The following DYM variants were observed in gnomAD, a reference collection of about 807,000 sequenced individuals.
The protein encoded by DYM is dyggve-Melchior-Clausen syndrome protein.
A neutral mutation model predicts 93.1 loss-of-function variants in DYM; 78 were observed. The observed-to-expected ratio is 0.84, with a 90% CI of 0.70 to 1.01. The LOEUF is 1.01. Ranked by LOEUF, DYM falls within the 50% of genes least tolerant of loss-of-function variation. DYM has a pLI of 0.00. For missense variants in DYM, 789 were observed against 845.0 expected (o/e 0.93, Z 0.82); for synonymous variants, 321 against 319.7 (o/e 1.00, Z -0.04).
At chr18:49,057,403 C>T (rs889517502) in intron 17 of DYM, among the ~76,000 whole-genome samples, 7 of 152,222 alleles carry the variant, frequency 4.6e-5, no homozygotes, top group South Asian at 4.1e-4. Context: ...GGGCCACAGA[C>T]GAGCATGCAC....
rs2144013626 is a variant in DYM at position 49,042,122 on chromosome 18, TCTC to T, written c.*1930_*1932del. The stretch of plus-strand genomic sequence containing the variant: ...ACTCCCCCTGCTGGCTGAGAGCGCT[TCTC>T]CTCCTTCAGACTGGCTCTGCCACAA... On this transcript the variant is annotated 3_prime_UTR_variant, in exon 18 of 18. Coordinates refer to ENST00000675505, the MANE Select transcript of DYM (RefSeq NM_001353214.3). The T allele has an allele frequency of 6.5e-6, 1 of 152,804 alleles. No homozygotes were observed. The highest frequency in any genetic ancestry group is 2.1e-4 in the South Asian group (1 of 4,824). The allele number at this position is 152,804 out of a possible 1,614,324, so 9.5% of individuals were successfully genotyped here. A position where few individuals can be genotyped will look rare whatever the true frequency, so the allele number is the denominator to read the frequency against.
At chr18:49,109,253 T>A (rs2081174764) in intron 16 of DYM, among the ~76,000 whole-genome samples, 1 of 152,168 alleles carries the variant, frequency 6.6e-6, no homozygotes, top group Admixed American at 6.5e-5. Flanking sequence ...TGGATTTTTG[T>A]TGTTGTTGTT....
At chr18:49,134,510 A>G (rs574039257) in intron 15 of DYM, among the ~76,000 whole-genome samples, 106 of 152,358 alleles carry the variant, frequency 7.0e-4, no homozygotes, top group African/African-American at 2.1e-3. Flanking sequence ...TAATTAATAC[A>G]TAAAACGAAT....
chr18:49,117,453 T>C (rs757679505), intron 16 of DYM, among the ~76,000 whole-genome samples: 3 of 152,210 alleles, frequency 2.0e-5, no homozygotes, highest in Non-Finnish European at 4.4e-5. Context: ...ATACATCCTA[T>C]GTGTTTCATA....
intron 8 of DYM, among the ~76,000 whole-genome samples, chr18:49,290,655 G>T (rs1296661302): frequency 6.6e-6 from 1 of 151,852 alleles, no homozygotes. Context: ...CATATATATA[G>T]ATATATATGT....
At chr18:49,200,197 G>A (rs1341800430) in intron 14 of DYM, among the ~76,000 whole-genome samples, 2 of 151,966 alleles carry the variant, frequency 1.3e-5, no homozygotes, top group Non-Finnish European at 2.9e-5. Flanking sequence ...GGGTGGTTGG[G>A]AGGAGGGTAG....
intron 2 of DYM, among the ~76,000 whole-genome samples, chr18:49,391,851 A>G (rs1269160659): frequency 6.6e-6 from 1 of 152,132 alleles, no homozygotes; most frequent in African/African-American, 2.4e-5. Context: ...TAAATATGAG[A>G]CTCCTAAAGA....
chr18:49,328,090 C>T (rs894944859), intron 8 of DYM, among the ~76,000 whole-genome samples: 2 of 152,128 alleles, frequency 1.3e-5, no homozygotes, highest in African/African-American at 4.8e-5. Flanking sequence ...CTTCATCCAT[C>T]ATTAAAAAAT....
At chr18:49,274,311 T>C (rs979197243) in intron 10 of DYM, among the ~76,000 whole-genome samples, 2 of 152,172 alleles carry the variant, frequency 1.3e-5, no homozygotes, top group African/African-American at 2.4e-5. Flanking sequence ...CATGCTGCAG[T>C]ATGTATCAGG....
At chr18:49,226,154 A>G (rs2093520251) in intron 13 of DYM, among the ~76,000 whole-genome samples, 1 of 152,174 alleles carries the variant, frequency 6.6e-6, no homozygotes, top group African/African-American at 2.4e-5. Context: ...GGTTTTGTAA[A>G]CAGTAAGTCA....
chr18:49,422,356 T>C (rs1600132189), intron 2 of DYM, among the ~76,000 whole-genome samples: 1 of 152,304 alleles, frequency 6.6e-6, no homozygotes, highest in East Asian at 1.9e-4. Flanking sequence ...ATAGTCAACA[T>C]TCTTAAAGAA....
At chr18:49,329,848 G>A (rs538851743) in intron 8 of DYM, 1 of 152,258 alleles carries the variant, frequency 6.6e-6, no homozygotes, top group African/African-American at 2.4e-5. Flanking sequence ...ATTTGGCTTT[G>A]GAATATAATT....
intron 17 of DYM, among the ~76,000 whole-genome samples, chr18:49,061,942 C>T (rs2076013646): frequency 6.6e-6 from 1 of 152,224 alleles, no homozygotes; most frequent in Non-Finnish European, 1.5e-5. Context: ...CCATCTGGCT[C>T]CATCCTAATA....
intron 15 of DYM, among the ~76,000 whole-genome samples, chr18:49,119,803 C>G (rs958968274): frequency 6.6e-6 from 1 of 151,952 alleles, no homozygotes; most frequent in Non-Finnish European, 1.5e-5. Flanking sequence ...ATAGATATAT[C>G]AAGGCTGGCT....
At chr18:49,404,063 A>C (rs1353734468) in intron 2 of DYM, among the ~76,000 whole-genome samples, 1 of 151,910 alleles carries the variant, frequency 6.6e-6, no homozygotes, top group Non-Finnish European at 1.5e-5. Context: ...GCTGGAGTGC[A>C]ATGGCACAAT....
chr18:49,376,761 G>A lies in DYM; in HGVS notation c.421+1806C>T, dbSNP rs79759496. Among the ~76,000 whole-genome samples, 525 of 152,326 alleles carry A rather than the reference G, an allele frequency of 3.4e-3. 4 individuals carry two copies. Among genetic ancestry groups the A allele is most frequent in the African/African-American group, 0.012 (487 of 41,570 alleles). On this transcript the variant is annotated intron_variant, in intron 5 of 17. Coordinates refer to ENST00000675505, the MANE Select transcript of DYM (RefSeq NM_001353214.3). Reference sequence around the variant, plus strand: ...CAAGGTGGCCAGTCACAGAAAAGCTGTTAAAATGTTAGAAGATGGTAAAAT... The same window carrying A: ...CAAGGTGGCCAGTCACAGAAAAGCTATTAAAATGTTAGAAGATGGTAAAAT...
chr18:49,185,841 C>A (rs1185435787), intron 14 of DYM, among the ~76,000 whole-genome samples: 1 of 152,148 alleles, frequency 6.6e-6, no homozygotes, highest in African/African-American at 2.4e-5. Flanking sequence ...GCCTAGGCAG[C>A]CTGACTCATA....
At chr18:49,441,283 A>G (rs1025656653) in intron 1 of DYM, among the ~76,000 whole-genome samples, 3 of 30,566 alleles carry the variant, frequency 9.8e-5, no homozygotes, top group East Asian at 1.3e-3. Context: ...ATATTATATA[A>G]TTATATATAA....
At chr18:49,421,387 C>G (rs12454182) in intron 2 of DYM, among the ~76,000 whole-genome samples, 13,888 of 152,196 alleles carry the variant, frequency 0.091, 856 homozygotes, top group East Asian at 0.31. Flanking sequence ...AGGCAAACAG[C>G]GTCTGGAGTG....
Sources: allele counts gnomAD v4.1 joint callset (sites outside exome capture counted in the v4.1 genomes callset), GRCh38; gene constraint gnomAD v4.1.1; transcripts MANE v1.5; gene names NCBI Gene and HGNC (gene_info 2026-07-23, HGNC 2026-07-21).